Variants in DUOX1 observed in about 807,000 individuals in gnomAD.
DUOX1 encodes the protein NADPH thyroid oxidase 1.
Under a neutral mutation model 181.8 loss-of-function variants are expected in DUOX1, and 134 were observed. The ratio of observed to expected loss-of-function variants is 0.74; its 90% CI spans 0.64 to 0.85. The LOEUF is 0.85. DUOX1 is among the 40% of genes least tolerant of loss of function. The probability of loss-of-function intolerance (pLI) is 0.00; values close to 1 mark genes in which losing one functional copy is unlikely to be tolerated. For synonymous variants in DUOX1, 798 were observed against 832.5 expected (o/e 0.96, Z 0.71); for missense variants, 1,814 against 2,064.4 (o/e 0.88, Z 2.35).
intron 18 of DUOX1, 150 bp from the exon 19 acceptor site, chr15:45,147,283 C>G: frequency 9.8e-7 from 1 of 1,019,472 alleles, no homozygotes; most frequent in Non-Finnish European, 1.4e-6. Context: ...TTCTGTAGAA[C>G]AAACATGGCC....
At position 45,160,978 on chromosome 15, in the gene DUOX1, C is replaced by T. The variant is rs763132312; in HGVS notation, c.3844C>T (p.Leu1282=). 3 of 1,613,984 alleles carry T rather than the reference C, an allele frequency of 1.9e-6. No individual in the cohort carries two copies. Among genetic ancestry groups the T allele is most frequent in the African/African-American group, 2.7e-5 (2 of 74,914 alleles). Residue 1282 remains leucine, a synonymous_variant, in exon 29 of 34, where the codon CTG becomes TTG. Coordinates refer to ENST00000389037, the MANE Select transcript of DUOX1 (RefSeq NM_175940.3). ...KVEISVVKAE[L]LPSGVTHLRF... is the part of the protein sequence containing the mutation. ...GGAGATCAGCGTGGTGAAGGCGGAG[C>T]TGCTGCCCTCAGGTACCAGCCTGGC...
intron 21 of DUOX1, 92 bp downstream of exon 21, chr15:45,148,539 A>G: frequency 2.2e-6 from 3 of 1,385,832 alleles, no homozygotes; most frequent in Non-Finnish European, 2.9e-6. Flanking sequence ...AAATGTTTTA[A>G]TTTCCATTAA....
chr15:45,155,858 C>T lies in DUOX1; in HGVS notation c.3631C>T (p.His1211Tyr). Residue 1211 changes from histidine to tyrosine, a missense_variant, in exon 28 of 34, where the codon CAC (histidine) becomes TAC (tyrosine). This residue lies in a region of DUOX1 where 279 missense variants were observed against 381.9 expected (regional missense o/e 0.73). Transcript: ENST00000389037. Reference sequence around the variant, plus strand: ...GGCCATCATGTATGTCTTTGCCTCCCACCACTTCCGCCGCCGCAGTTTCCG... The same window carrying T: ...GGCCATCATGTATGTCTTTGCCTCCTACCACTTCCGCCGCCGCAGTTTCCG... ...ILAIMYVFAS[H>Y]HFRRRSFRGF... 6 of 1,614,116 alleles carry T rather than the reference C, an allele frequency of 3.7e-6. No homozygotes were observed. Among genetic ancestry groups the T allele is most frequent in the Non-Finnish European group, 5.1e-6 (6 of 1,180,038 alleles).
At chr15:45,132,905 T>TG (rs1896189430) in intron 2 of DUOX1, among the ~76,000 whole-genome samples, 1 of 16,896 alleles carries the variant, frequency 5.9e-5, no homozygotes, top group Non-Finnish European at 4.5e-3. Context: ...CCCAAAGTCT[T>TG]GAACCTTAGC....
At chr15:45,160,522 C>T (rs1037137821) in intron 28 of DUOX1, among the ~76,000 whole-genome samples, 2 of 152,206 alleles carry the variant, frequency 1.3e-5, no homozygotes, top group Non-Finnish European at 2.9e-5. Context: ...CTTGAAGAGA[C>T]AGGAATTACA....
In DUOX1 at chr15:45,134,322, A is replaced by T. The variant is rs371666623; in HGVS notation, c.307+13A>T. The T allele has an allele frequency of 4.3e-5, 68 of 1,582,674 alleles. No individual in the cohort carries two copies. In the African/African-American group the frequency reaches 8.0e-4, roughly 19 times the overall value. ...GGGGTCTTCTTTGGTGAGAACTTCA[A>T]CCTCTGGGGAAGGAAGCCGGTGGGG... On this transcript the variant is annotated intron_variant, in intron 4 of 33. Transcript: ENST00000389037.
At chr15:45,133,991 G>T (rs370837543) in intron 3 of DUOX1, 44 bp downstream of exon 3, 21 of 1,605,614 alleles carry the variant, frequency 1.3e-5, no homozygotes, top group Middle Eastern at 1.7e-4. Flanking sequence ...GGCCAGGGGG[G>T]TACTGAGTGC....
chr15:45,131,903 CCTGTCTTTTT>C lies in DUOX1; in HGVS notation c.-49-12_-49-3del. ...CTGAGTAGCTGGGGCTCATTCTTTGCCTGTCTTTTTCTAGGGTCTCCATTTTGGGACATTC... is the reference window on the plus strand; with the variant it reads ...CTGAGTAGCTGGGGCTCATTCTTTGCCTAGGGTCTCCATTTTGGGACATTC... On this transcript the variant is annotated splice_region_variant and splice_polypyrimidine_tract_variant and intron_variant, in intron 1 of 33. Transcript: ENST00000389037. 1.3e-6 allele frequency: 2 copies of C among 1,543,736 alleles called. No individual in the cohort carries two copies. The highest frequency in any genetic ancestry group is 1.8e-6 in the Non-Finnish European group (2 of 1,116,490).
Position 45,139,348 on chromosome 15 carries a change from G to A in DUOX1, c.1217-79G>A, listed in dbSNP as rs756711634. 4 of 1,588,692 alleles carry A rather than the reference G, an allele frequency of 2.5e-6. No homozygotes were observed. The Admixed American group carries it at 5.4e-5, about 21-fold the overall frequency. The stretch of plus-strand genomic sequence containing the variant: ...CTTCTGGCTCAAGTCTCCTGGGGCT[G>A]GTTGGAGCTTGGGGCCTGGACTGGA... On this transcript the variant is annotated intron_variant, in intron 11 of 33. Coordinates refer to ENST00000389037, the MANE Select transcript of DUOX1 (RefSeq NM_175940.3).
At chr15:45,141,809 G>A in intron 14 of DUOX1, 166 bp from the exon 15 acceptor site, 2 of 639,934 alleles carry the variant, frequency 3.1e-6, no homozygotes, top group Non-Finnish European at 5.3e-6. Flanking sequence ...AGGGAGAGAT[G>A]GAGGTTGGGA....
In DUOX1 at chr15:45,152,488, C is replaced by T; in HGVS notation, c.3396C>T (p.Leu1132=). Residue 1132 remains leucine, a synonymous_variant, in exon 25 of 34, where the codon CTC becomes CTT. Transcript: ENST00000389037. ...ACGCCGCCGTGGACTTCCATCGCCT[C>T]ATTGCCTCCACCGCCATCGTCCTCA... The part of the protein sequence containing the change: ...PFDAAVDFHR[L]IASTAIVLTV... 6.2e-7 allele frequency: 1 copy of T among 1,614,130 alleles called. No individual in the cohort carries two copies. The highest frequency in any genetic ancestry group is 1.1e-5 in the South Asian group (1 of 91,080).
chr15:45,138,915 A>C, intron 10 of DUOX1, 151 bp from the exon 11 acceptor site: 1 of 680,304 alleles, frequency 1.5e-6, no homozygotes. Context: ...TGGGGAATCA[A>C]CCTGCAGAAG....
chr15:45,163,497 G>C, intron 31 of DUOX1, 35 bp from the exon 32 acceptor site: 1 of 1,612,680 alleles, frequency 6.2e-7, no homozygotes, highest in Non-Finnish European at 8.5e-7. Context: ...AGACTGAGCT[G>C]AGATGGGTCC....
intron 28 of DUOX1, 109 bp from the exon 29 acceptor site, chr15:45,160,728 G>C (rs974290235): frequency 3.7e-5 from 52 of 1,401,034 alleles, no homozygotes; most frequent in Non-Finnish European, 4.3e-5. Flanking sequence ...GTGGTGAGGT[G>C]GGGGCTGGAT....
intron 28 of DUOX1, among the ~76,000 whole-genome samples, chr15:45,157,074 G>C (rs908098229): frequency 6.6e-6 from 1 of 152,124 alleles, no homozygotes; most frequent in African/African-American, 2.4e-5. Flanking sequence ...CCATGGCCTC[G>C]GTCAGGTTGG....
chr15:45,151,339 C>G (rs1371009853), intron 23 of DUOX1, 91 bp downstream of exon 23: 6 of 1,517,716 alleles, frequency 4.0e-6, no homozygotes, highest in Non-Finnish European at 5.3e-6. Flanking sequence ...CTGTGCTAAA[C>G]ATTGTGGGTA....
At chr15:45,136,100 G>A in intron 7 of DUOX1, 152 bp downstream of exon 7, 1 of 1,445,126 alleles carries the variant, frequency 6.9e-7, no homozygotes, top group Non-Finnish European at 9.4e-7. Flanking sequence ...GTAAATGATA[G>A]GGAGGCACGC....
At chr15:45,145,129 C>A in intron 18 of DUOX1, 49 bp downstream of exon 18, 1 of 1,492,980 alleles carries the variant, frequency 6.7e-7, no homozygotes, top group East Asian at 2.3e-5. Context: ...GGTGTCCTTA[C>A]CTGCATGAGG....
intron 21 of DUOX1, 139 bp downstream of exon 21, chr15:45,148,586 A>C: frequency 1.2e-6 from 1 of 824,798 alleles, no homozygotes; most frequent in Non-Finnish European, 1.8e-6. Context: ...AATATGTAAT[A>C]ATGTATCCAA....
Sources: allele counts gnomAD v4.1 joint callset (sites outside exome capture counted in the v4.1 genomes callset), GRCh38; gene constraint gnomAD v4.1.1; regional missense constraint gnomAD v4.1.1; transcripts MANE v1.5; gene names NCBI Gene and HGNC (gene_info 2026-07-23, HGNC 2026-07-21).